TRERF1: variants seen among roughly 807,000 people sequenced by gnomAD.
TRERF1 encodes the protein transcriptional regulating factor 1.
TRERF1 carries 27 observed loss-of-function variants against 122.9 expected under a neutral mutation model. The ratio of observed to expected loss-of-function variants is 0.22; its 90% CI spans 0.16 to 0.30. TRERF1 has a LOEUF of 0.30. Among genes scored for constraint, TRERF1 ranks in the 10% least tolerant of loss-of-function variants. The pLI, the probability that TRERF1 is intolerant of heterozygous loss-of-function variation, is 1.00. For missense variants in TRERF1, 1,248 were observed against 1,560.3 expected, an observed-to-expected ratio of 0.80 and a Z score of 3.37; for synonymous variants, 636 against 641.7, an observed-to-expected ratio of 0.99 and a Z score of 0.13.
rs913039042 is a variant in TRERF1, at chr6:42,263,149, G to C, written c.1884+171C>G. On this transcript the variant is annotated intron_variant, in intron 8 of 17. Transcript: ENST00000372922. This position sits in a 1 kb window ranked among gnomAD's most constrained non-coding sequence, Gnocchi z 5.6. ...AATGTGGCCACGGGTTCAGCCCTGA[G>C]AGACCAAGCCGTATCCAAGCTCAGG... 4.4e-6 allele frequency: 6 copies of C among 1,375,764 alleles called. No homozygotes were observed. Among genetic ancestry groups the C allele is most frequent in the Non-Finnish European group, 5.6e-6 (6 of 1,065,492 alleles). 85.2% of individuals were successfully genotyped at this position (1,375,764 alleles called of 1,614,324 possible).
chr6:42,404,245 AT>A (rs976019527), intron 2 of TRERF1, among the ~76,000 whole-genome samples: 1 of 151,910 alleles, frequency 6.6e-6, no homozygotes, highest in Non-Finnish European at 1.5e-5. Flanking sequence ...CTTTCACCTT[AT>A]TTCTCTTGGG....
At chr6:42,258,085 T>A (rs771223605) in intron 10 of TRERF1, 50 bp downstream of exon 10, 9 of 1,496,594 alleles carry the variant, frequency 6.0e-6, no homozygotes, top group Non-Finnish European at 8.4e-6. Flanking sequence ...TAACTATACT[T>A]CTCAAGAAGC....
chr6:42,300,015 T>C (rs1211888684), intron 4 of TRERF1, among the ~76,000 whole-genome samples: 5 of 152,168 alleles, frequency 3.3e-5, no homozygotes, highest in African/African-American at 1.2e-4. Context: ...CTGGCACCAG[T>C]CTCTAGGGAG....
intron 3 of TRERF1, among the ~76,000 whole-genome samples, chr6:42,327,337 T>C (rs1764466756): frequency 6.6e-6 from 1 of 152,158 alleles, no homozygotes; most frequent in Non-Finnish European, 1.5e-5. Flanking sequence ...AATTCCCTTT[T>C]ACAGATGGGT....
intron 3 of TRERF1, among the ~76,000 whole-genome samples, chr6:42,355,604 C>T (rs1770378223): frequency 1.3e-5 from 2 of 152,210 alleles, no homozygotes. Context: ...GTTTATATAA[C>T]ATAGGAATTA....
chr6:42,289,864 C>T (rs546747965), intron 4 of TRERF1, among the ~76,000 whole-genome samples: 20 of 152,144 alleles, frequency 1.3e-4, no homozygotes, highest in Admixed American at 2.6e-4. Flanking sequence ...ATGAGGGTGA[C>T]GGAGGGGTGT....
chr6:42,312,884 T>C (rs1761914981), intron 3 of TRERF1, among the ~76,000 whole-genome samples: 1 of 152,204 alleles, frequency 6.6e-6, no homozygotes, highest in Non-Finnish European at 1.5e-5. Flanking sequence ...TTCCTTCTCC[T>C]TCAGTGCCTG....
chr6:42,261,191 C>T (rs960572822), intron 8 of TRERF1, among the ~76,000 whole-genome samples: 3 of 152,184 alleles, frequency 2.0e-5, no homozygotes, highest in Non-Finnish European at 4.4e-5. Flanking sequence ...CCAAGGGGAG[C>T]AGCCCTGAAG....
At chr6:42,387,137 T>C (rs1322256082) in intron 2 of TRERF1, among the ~76,000 whole-genome samples, 2 of 152,214 alleles carry the variant, frequency 1.3e-5, no homozygotes, top group African/African-American at 4.8e-5. Context: ...TTGCTGTTGT[T>C]TTATACACAG....
chr6:42,381,172 G>A (rs1775841679), intron 2 of TRERF1, among the ~76,000 whole-genome samples: 1 of 152,096 alleles, frequency 6.6e-6, no homozygotes, highest in Non-Finnish European at 1.5e-5. Context: ...CAGAGGCTGT[G>A]TCTCCCTAAC....
At chr6:42,304,520 A>G (rs1786797148) in intron 3 of TRERF1, among the ~76,000 whole-genome samples, 1 of 152,218 alleles carries the variant, frequency 6.6e-6, no homozygotes, top group Admixed American at 6.5e-5. Flanking sequence ...ACAAGAATCC[A>G]CAAGGATTTC....
chr6:42,432,667 C>A (rs545640438), intron 2 of TRERF1, among the ~76,000 whole-genome samples: 9 of 152,106 alleles, frequency 5.9e-5, no homozygotes, highest in African/African-American at 2.2e-4. Flanking sequence ...TATGGTGAAA[C>A]CCTGTTCCTA....
At chr6:42,431,749 A>T (rs1784535809) in intron 2 of TRERF1, among the ~76,000 whole-genome samples, 1 of 151,616 alleles carries the variant, frequency 6.6e-6, no homozygotes, top group African/African-American at 2.4e-5. Context: ...CAATAGATAC[A>T]ATATAAGCCA....
intron 3 of TRERF1, among the ~76,000 whole-genome samples, chr6:42,355,163 T>G (rs944074268): frequency 6.6e-6 from 1 of 152,246 alleles, no homozygotes; most frequent in Non-Finnish European, 1.5e-5. Context: ...ATGCCTTTAT[T>G]GTTTCACCAG....
intron 6 of TRERF1, among the ~76,000 whole-genome samples, 182 bp downstream of exon 6, chr6:42,265,569 T>C (rs750814810): frequency 2.0e-5 from 3 of 152,230 alleles, no homozygotes; most frequent in Non-Finnish European, 4.4e-5. Flanking sequence ...CCTCATAGGT[T>C]ACTTTACTAT....
rs70987587 is a variant in TRERF1, at chr6:42,277,905, G to GGAAGAAGAAGAAGAAGAAGAAGAAGAA, written c.-258-8084_-258-8058dup. Among the ~76,000 whole-genome samples, 16 of 85,082 alleles carry GGAAGAAGAAGAAGAAGAAGAAGAAGAA rather than the reference G, an allele frequency of 1.9e-4. 1 individual carries two copies. Among genetic ancestry groups the GGAAGAAGAAGAAGAAGAAGAAGAAGAA allele is most frequent in the East Asian group, 1.4e-3 (4 of 2,864 alleles). The allele number at this position is 85,082 out of a possible 152,430, so 55.8% of individuals were successfully genotyped here. A position where few individuals can be genotyped will look rare whatever the true frequency, so the allele number is the denominator to read the frequency against. On this transcript the variant is annotated intron_variant, in intron 4 of 17. Transcript: ENST00000372922. ...AGAAGGAAGAAGGAAGAAGGAAGAA[G>GGAAGAAGAAGAAGAAGAAGAAGAAGAA]GAAGAAGAAGAAGAAGAAGAAGAAG...
At chr6:42,389,565 A>AT (rs1402540866) in intron 2 of TRERF1, among the ~76,000 whole-genome samples, 8 of 152,204 alleles carry the variant, frequency 5.3e-5, no homozygotes, top group African/African-American at 1.9e-4. Flanking sequence ...ACCCCAAAGA[A>AT]TGTGCCCAGT....
chr6:42,339,241 C>T (rs1766793694), intron 3 of TRERF1, among the ~76,000 whole-genome samples: 1 of 152,202 alleles, frequency 6.6e-6, no homozygotes, highest in African/African-American at 2.4e-5. Context: ...TGTTTTTCTG[C>T]TACTTACAGC....
In TRERF1 at chr6:42,276,388, C is replaced by G. The variant is rs1781150931; in HGVS notation, c.-258-6540G>C. 6.6e-6 allele frequency among the ~76,000 whole-genome samples: 1 copy of G among 152,224 alleles called. No homozygotes were observed. On this transcript the variant is annotated intron_variant, in intron 4 of 17. Coordinates refer to ENST00000372922, the Ensembl canonical transcript of TRERF1. The surrounding 1 kb of genome is among the most constrained non-coding windows in gnomAD (Gnocchi z 4.3). ...AGATTTTCCTTTTTCTGACCCCGGGCAGTCAGTTAGAGACTGTATACACAA... is the reference window on the plus strand; with the variant it reads ...AGATTTTCCTTTTTCTGACCCCGGGGAGTCAGTTAGAGACTGTATACACAA...
Sources: allele counts gnomAD v4.1 joint callset (sites outside exome capture counted in the v4.1 genomes callset), GRCh38; gene constraint gnomAD v4.1.1; non-coding constraint Gnocchi (gnomAD v3.1); transcripts MANE v1.5; gene names NCBI Gene and HGNC (gene_info 2026-07-23, HGNC 2026-07-21).